The following TNRC6A variants were observed in gnomAD, a reference collection of about 807,000 sequenced individuals.
The protein encoded by TNRC6A is trinucleotide repeat containing adaptor 6A.
TNRC6A carries 44 observed loss-of-function variants against 221.2 expected under a neutral mutation model. That is an observed-to-expected ratio of 0.20 (90% confidence interval 0.16 to 0.26). TNRC6A has a LOEUF of 0.26. Among genes scored for constraint, TNRC6A ranks in the 10% least tolerant of loss-of-function variants. The pLI is 1.00. For missense variants in TNRC6A, 2,199 were observed against 2,404.4 expected (o/e 0.91, Z 1.79); for synonymous variants, 847 against 838.5 (o/e 1.01, Z -0.18).
intron 2 of TNRC6A, among the ~76,000 whole-genome samples, chr16:24,652,105 T>C (rs1427497005): frequency 6.6e-6 from 1 of 152,002 alleles, no homozygotes; most frequent in African/African-American, 2.4e-5. Context: ...TAATTAAAAT[T>C]AATTTAGAAT....
intron 2 of TNRC6A, among the ~76,000 whole-genome samples, chr16:24,706,164 CTT>C (rs1329796919): frequency 6.6e-6 from 1 of 152,162 alleles, no homozygotes; most frequent in Non-Finnish European, 1.5e-5. Context: ...AAAATACACA[CTT>C]TGTTCATCAA....
At chr16:24,613,425 G>C (rs543897333) in intron 1 of TNRC6A, among the ~76,000 whole-genome samples, 1 of 149,900 alleles carries the variant, frequency 6.7e-6, no homozygotes, top group East Asian at 2.0e-4. Context: ...GGATCAATGA[G>C]CAACTATTAA....
intron 2 of TNRC6A, among the ~76,000 whole-genome samples, chr16:24,659,689 T>A (rs897662784): frequency 6.6e-6 from 1 of 152,178 alleles, no homozygotes; most frequent in Non-Finnish European, 1.5e-5. Context: ...GCAATCCTCC[T>A]GTCTTGGCCT....
At chr16:24,651,532 C>G (rs1269492185) in intron 2 of TNRC6A, among the ~76,000 whole-genome samples, 1 of 118,376 alleles carries the variant, frequency 8.4e-6, no homozygotes, top group Non-Finnish European at 1.7e-5. Context: ...GAGGAAAACT[C>G]CATCTCAAAA....
chr16:24,799,005 A>G (rs2058276562), intron 11 of TNRC6A, among the ~76,000 whole-genome samples: 2 of 152,184 alleles, frequency 1.3e-5, no homozygotes, highest in Admixed American at 1.3e-4. Flanking sequence ...CAGTGAAGGC[A>G]GGGCACAGGA....
chr16:24,792,789 T>A (rs1433136435), intron 6 of TNRC6A, among the ~76,000 whole-genome samples: 2 of 148,078 alleles, frequency 1.4e-5, no homozygotes, highest in African/African-American at 5.0e-5. Flanking sequence ...GGCACAATTT[T>A]TTTTTTTTTT....
At chr16:24,777,461 T>C (rs751061741) in intron 5 of TNRC6A, 103 bp downstream of exon 5, 45 of 1,146,306 alleles carry the variant, frequency 3.9e-5, no homozygotes, top group Non-Finnish European at 5.4e-5. Flanking sequence ...TATTCATCAG[T>C]ATGTGGGCTT....
At chr16:24,688,394 G>C (rs529048073) in intron 2 of TNRC6A, among the ~76,000 whole-genome samples, 1 of 152,078 alleles carries the variant, frequency 6.6e-6, no homozygotes, top group Non-Finnish European at 1.5e-5. Context: ...CTCTCACCAC[G>C]GCCCTTTCCA....
chr16:24,753,055 T>G (rs1284798384), intron 3 of TNRC6A, among the ~76,000 whole-genome samples: 8 of 152,240 alleles, frequency 5.3e-5, no homozygotes, highest in Non-Finnish European at 1.5e-5. Flanking sequence ...AGTAAATCTT[T>G]ACATTCTTGT....
chr16:24,622,382 C>T (rs553507395), intron 1 of TNRC6A, among the ~76,000 whole-genome samples: 1 of 152,240 alleles, frequency 6.6e-6, no homozygotes, highest in East Asian at 1.9e-4. Flanking sequence ...AGGTGGATCA[C>T]CTGAGGTCAG....
chr16:24,627,917 TCG>T (rs779031865), intron 1 of TNRC6A, among the ~76,000 whole-genome samples: 1 of 151,034 alleles, frequency 6.6e-6, no homozygotes, highest in Non-Finnish European at 1.5e-5. Flanking sequence ...CAGGCTGGTC[TCG>T]AACTCCTGAC....
intron 4 of TNRC6A, among the ~76,000 whole-genome samples, chr16:24,774,905 A>G (rs1271058931): frequency 6.6e-6 from 1 of 152,172 alleles, no homozygotes; most frequent in South Asian, 2.1e-4. Context: ...TACTTACAAT[A>G]CCAAATATAA....
At chr16:24,743,052 T>C (rs934968628) in intron 2 of TNRC6A, among the ~76,000 whole-genome samples, 15 of 152,194 alleles carry the variant, frequency 9.9e-5, no homozygotes, top group African/African-American at 2.9e-4. Flanking sequence ...GAGTAGGATT[T>C]GGGTGGGTAG....
intron 2 of TNRC6A, among the ~76,000 whole-genome samples, chr16:24,719,350 C>T (rs2056370763): frequency 1.3e-5 from 2 of 151,998 alleles, no homozygotes; most frequent in South Asian, 4.2e-4. Context: ...GTAGGGAGAT[C>T]CTATCTCTAC....
chr16:24,771,582 T>TTATGTTGTGA lies in TNRC6A; in HGVS notation c.164-5350_164-5349insATGTTGTGAT. 6.4e-4 allele frequency among the ~76,000 whole-genome samples: 61 copies of TTATGTTGTGA among 95,538 alleles called. 1 individual carries two copies. The highest frequency in any genetic ancestry group is 1.3e-3 in the African/African-American group (30 of 23,022). The allele number at this position is 95,538 out of a possible 152,430, so 62.7% of individuals were successfully genotyped here. A position where few individuals can be genotyped will look rare whatever the true frequency, so the allele number is the denominator to read the frequency against. On this transcript the variant is annotated intron_variant, in intron 4 of 24. Coordinates refer to ENST00000395799, the MANE Select transcript of TNRC6A (RefSeq NM_014494.4). ...ATGTTTTATGTTATGTTATGTTATG[T>TTATGTTGTGA]TGTTATGTTATGTTATGTTATGTTA...
chr16:24,751,963 G>A (rs562370623), intron 3 of TNRC6A, among the ~76,000 whole-genome samples: 3 of 152,196 alleles, frequency 2.0e-5, no homozygotes, highest in Non-Finnish European at 4.4e-5. Flanking sequence ...GAAATACTTG[G>A]TAGCCTGTAT....
chr16:24,815,637 C>T (rs1040528727), intron 19 of TNRC6A: 3 of 315,336 alleles, frequency 9.5e-6, no homozygotes, highest in African/African-American at 2.1e-5. Flanking sequence ...GGGCGGATCA[C>T]GAGGTCAGGA....
At chr16:24,794,857 A>G (rs2058185980) in intron 8 of TNRC6A, 138 bp downstream of exon 8, 2 of 627,836 alleles carry the variant, frequency 3.2e-6, no homozygotes, top group Admixed American at 3.6e-5. Flanking sequence ...AGCCACTTGT[A>G]TGGGCAGCCA....
At chr16:24,674,740 C>T (rs1596650590) in intron 2 of TNRC6A, among the ~76,000 whole-genome samples, 1 of 145,200 alleles carries the variant, frequency 6.9e-6, no homozygotes, top group Non-Finnish European at 1.5e-5. Context: ...ACACACACAT[C>T]TTTGTCTAAG....
Sources: allele counts gnomAD v4.1 joint callset (sites outside exome capture counted in the v4.1 genomes callset), GRCh38; gene constraint gnomAD v4.1.1; transcripts MANE v1.5; gene names NCBI Gene and HGNC (gene_info 2026-07-23, HGNC 2026-07-21).